OSBPL11: variants seen among roughly 807,000 people sequenced by gnomAD.
OSBPL11 encodes oxysterol-binding protein-related protein 11.
In OSBPL11, 33 loss-of-function variants were observed where a neutral mutation model predicts 84.4. That is an observed-to-expected ratio of 0.39 (90% CI 0.30 to 0.52). The LOEUF (loss-of-function observed/expected upper bound fraction) is 0.52, where lower values mean the gene tolerates loss of function less well. Among genes scored for constraint, OSBPL11 ranks in the 20% least tolerant of loss-of-function variants. The probability of loss-of-function intolerance (pLI) is 0.72; values close to 1 mark genes in which losing one functional copy is unlikely to be tolerated. For synonymous variants in OSBPL11, 276 were observed against 310.2 expected (o/e 0.89, Z 1.16); for missense variants, 736 against 901.1 (o/e 0.82, Z 2.35).
intron 11 of OSBPL11, among the ~76,000 whole-genome samples, chr3:125,532,901 A>G (rs1409735926): frequency 2.0e-5 from 3 of 151,922 alleles, no homozygotes; most frequent in Non-Finnish European, 4.4e-5. Context: ...TTCATGGATG[A>G]ACCTCAAAAA....
intron 10 of OSBPL11, among the ~76,000 whole-genome samples, chr3:125,541,949 C>T (rs11706633): frequency 0.072 from 10,902 of 152,194 alleles, 420 homozygotes; most frequent in African/African-American, 0.087. Context: ...ACTCAAAGTC[C>T]GGTTCTTCCC....
At chr3:125,553,807 T>C (rs1559839544) in intron 8 of OSBPL11, among the ~76,000 whole-genome samples, 1 of 152,254 alleles carries the variant, frequency 6.6e-6, no homozygotes, top group Non-Finnish European at 1.5e-5. Flanking sequence ...CAGTGGATGT[T>C]GCAGGTTCAG....
rs1936319106 is a variant in OSBPL11, at chr3:125,576,191, C to T, written c.664G>A (p.Glu222Lys). 1.2e-6 allele frequency: 2 copies of T among 1,603,562 alleles called. No individual in the cohort carries two copies. The highest frequency in any genetic ancestry group is 1.4e-5 in the African/African-American group (1 of 73,974). ...LPPDHLVEVR[E>K]MMSHAEGQQR... ...ACTTGACTTTAATTCATACTTACTTCTCTGACTTCCACAAGATGGTCTGGA... is the reference window on the plus strand; with the variant it reads ...ACTTGACTTTAATTCATACTTACTTTTCTGACTTCCACAAGATGGTCTGGA... The change falls in exon 5 of 13, where the codon GAA (glutamate) becomes AAA (lysine). Residue 222 changes from glutamate (E) to lysine (K), a missense_variant and splice_region_variant. Transcript: ENST00000296220.
Position 125,560,484 on chromosome 3 carries a change from C to T in OSBPL11, c.1050G>A (p.Glu350=). Residue 350 remains glutamate (E), a synonymous_variant, in exon 8 of 13, where the codon GAG becomes GAA. Transcript: ENST00000296220. Reference sequence around the variant, plus strand: ...CATCCTCTTTGTGGTCACATGTATCCTCTATCTCATCATCTGCATTTATTT... The same window carrying T: ...CATCCTCTTTGTGGTCACATGTATCTTCTATCTCATCATCTGCATTTATTT... ...PEEINADDEI[E]DTCDHKEDDL... 1.3e-6 allele frequency: 2 copies of T among 1,595,744 alleles called. No homozygotes were observed. Among genetic ancestry groups the T allele is most frequent in the African/African-American group, 1.3e-5 (1 of 74,608 alleles).
chr3:125,560,559 C>T lies in OSBPL11; in HGVS notation c.1015-40G>A, dbSNP rs369751983. 262 of 1,483,674 alleles carry T rather than the reference C, an allele frequency of 1.8e-4. 3 individuals are homozygous for T. The South Asian group carries it at 2.2e-3, about 13-fold the overall frequency. The allele number at this position is 1,483,674 out of a possible 1,614,324, so 91.9% of individuals were successfully genotyped here. A position where few individuals can be genotyped will look rare whatever the true frequency, so the allele number is the denominator to read the frequency against. On this transcript the variant is annotated intron_variant, in intron 7 of 12. Transcript: ENST00000296220. ...AAGCAAAAGTCTAGTATTTTAACTA[C>T]CTATTCATATCCATTGAGAACAAAA...
intron 1 of OSBPL11, among the ~76,000 whole-genome samples, chr3:125,593,882 T>C (rs1936640233): frequency 1.3e-5 from 2 of 152,140 alleles, no homozygotes; most frequent in Admixed American, 1.3e-4. Context: ...TGTGCTGGTT[T>C]GTTTCATTCA....
Position 125,575,680 on chromosome 3 carries a change from C to T in OSBPL11, c.666+509G>A, listed in dbSNP as rs548236716. Among the ~76,000 whole-genome samples the T allele has an allele frequency of 2.1e-4, 32 of 149,800 alleles. 1 individual carries two copies. In the South Asian group the frequency reaches 6.6e-3, roughly 31 times the overall value. On this transcript the variant is annotated intron_variant, in intron 5 of 12. Coordinates refer to ENST00000296220, the MANE Select transcript of OSBPL11 (RefSeq NM_022776.5). ...GAGTAGCTGGTACGACAGGTGCACA[C>T]CACCACCCCCAGCTAAAATTAAAAA...
chr3:125,565,969 CCA>C (rs1422282580), intron 6 of OSBPL11, among the ~76,000 whole-genome samples: 2 of 151,980 alleles, frequency 1.3e-5, no homozygotes, highest in Admixed American at 6.6e-5. Context: ...AGCTATTCTC[CCA>C]CAGTTTGTTC....
intron 10 of OSBPL11, among the ~76,000 whole-genome samples, chr3:125,539,693 C>T (rs1330193433): frequency 6.6e-6 from 1 of 152,038 alleles, no homozygotes; most frequent in South Asian, 2.1e-4. Flanking sequence ...AGGTGATCTG[C>T]GTGCCTCGGC....
At chr3:125,571,368 C>T (rs1036634632) in intron 5 of OSBPL11, among the ~76,000 whole-genome samples, 1 of 152,096 alleles carries the variant, frequency 6.6e-6, no homozygotes, top group Admixed American at 6.6e-5. Flanking sequence ...GAAAAGAAAA[C>T]CCCATTTTCT....
intron 5 of OSBPL11, among the ~76,000 whole-genome samples, chr3:125,574,983 G>A (rs537982333): frequency 2.0e-5 from 3 of 152,204 alleles, no homozygotes; most frequent in African/African-American, 7.2e-5. Context: ...GAAACTATCA[G>A]TTGTCAAGTT....
At chr3:125,535,502 G>A (rs747494199) in intron 11 of OSBPL11, among the ~76,000 whole-genome samples, 93 of 139,750 alleles carry the variant, frequency 6.7e-4, no homozygotes, top group Admixed American at 2.3e-3. Flanking sequence ...AGAGTGCAGT[G>A]GTTCAACGGC....
intron 8 of OSBPL11, among the ~76,000 whole-genome samples, chr3:125,555,279 A>G (rs2979370): frequency 0.086 from 13,147 of 152,102 alleles, 1,119 homozygotes; most frequent in African/African-American, 0.22. Context: ...CCTACTTTTG[A>G]GGTTTGGGGA....
chr3:125,538,174 A>G (rs530793341), intron 11 of OSBPL11, among the ~76,000 whole-genome samples: 13 of 152,260 alleles, frequency 8.5e-5, no homozygotes, highest in South Asian at 2.1e-4. Context: ...ATTTTTTATG[A>G]TAAAGTTTTT....
intron 2 of OSBPL11, 98 bp downstream of exon 2, chr3:125,582,812 A>G: frequency 1.1e-6 from 1 of 913,714 alleles, no homozygotes; most frequent in Non-Finnish European, 1.7e-6. Flanking sequence ...AAGGTTTCCC[A>G]GCCATGTCTG....
chr3:125,552,968 A>C (rs948989905), intron 8 of OSBPL11, among the ~76,000 whole-genome samples: 13 of 152,144 alleles, frequency 8.5e-5, no homozygotes, highest in Non-Finnish European at 1.5e-4. Flanking sequence ...AGTTACAAAA[A>C]TTAGCTGGGC....
At chr3:125,573,898 G>T (rs76822343) in intron 5 of OSBPL11, among the ~76,000 whole-genome samples, 1 of 138,770 alleles carries the variant, frequency 7.2e-6, no homozygotes, top group African/African-American at 2.6e-5. Context: ...AAAAAAAAAG[G>T]AGTTAACTGC....
At chr3:125,551,164 T>TAAA (rs1250361844) in intron 9 of OSBPL11, among the ~76,000 whole-genome samples, 2 of 94,050 alleles carry the variant, frequency 2.1e-5, no homozygotes, top group South Asian at 6.8e-4. Flanking sequence ...ACCCTGTTTC[T>TAAA]AAAAAAAAAA....
chr3:125,547,486 G>A lies in OSBPL11; in HGVS notation c.1761C>T (p.Val587=). 1 of 1,614,078 alleles carries A rather than the reference G, an allele frequency of 6.2e-7. No individual in the cohort carries two copies. Among genetic ancestry groups the A allele is most frequent in the Non-Finnish European group, 8.5e-7 (1 of 1,179,998 alleles). The part of the protein sequence containing the change: ...TVPWVELGGK[V]SVNCAKTGYS... ...ATCCAGTTTTTGCACAGTTGACACTGACTTTGCCACCCAGTTCTACCCAAG... is the reference window on the plus strand; with the variant it reads ...ATCCAGTTTTTGCACAGTTGACACTAACTTTGCCACCCAGTTCTACCCAAG... Residue 587 remains valine (V), a synonymous_variant, in exon 10 of 13, where the codon GTC becomes GTT. Coordinates refer to ENST00000296220, the MANE Select transcript of OSBPL11 (RefSeq NM_022776.5).
Sources: gnomAD v4.1 joint callset for allele counts (sites outside exome capture counted in the v4.1 genomes callset) on GRCh38, gnomAD v4.1.1 for gene constraint, MANE v1.5 for transcripts, NCBI Gene and HGNC (gene_info 2026-07-23, HGNC 2026-07-21) for gene names.